SEPTIN9: variants seen among roughly 807,000 people sequenced by gnomAD.
The protein encoded by SEPTIN9 is septin-9.
A neutral mutation model predicts 56.6 loss-of-function variants in SEPTIN9; 13 were observed. The ratio of observed to expected loss-of-function variants is 0.23; its 90% CI spans 0.15 to 0.37. The LOEUF is 0.37. Ranked by LOEUF, SEPTIN9 falls within the 10% of genes least tolerant of loss-of-function variation. The pLI is 1.00. For missense variants in SEPTIN9, 650 were observed against 823.1 expected, an observed-to-expected ratio of 0.79 and a Z score of 2.57; for synonymous variants, 332 against 334.1, an observed-to-expected ratio of 0.99 and a Z score of 0.07.
chr17:77,460,454 G>A (rs531148965), intron 3 of SEPTIN9, among the ~76,000 whole-genome samples: 77 of 152,244 alleles, frequency 5.1e-4, no homozygotes, highest in African/African-American at 1.7e-3. Flanking sequence ...GCAGTCCAGG[G>A]GCCCCTCTCC....
At chr17:77,374,083 G>A (rs1192735239) in intron 2 of SEPTIN9, 1 of 153,736 alleles carries the variant, frequency 6.5e-6, no homozygotes, top group African/African-American at 2.4e-5. Context: ...GCCAGTTTCG[G>A]GGCCGCCAAG....
chr17:77,421,372 GT>G lies in SEPTIN9; in HGVS notation c.721+18670del, dbSNP rs2036696353. 6.6e-6 allele frequency among the ~76,000 whole-genome samples: 1 copy of G among 152,098 alleles called. No individual in the cohort carries two copies. Among genetic ancestry groups the G allele is most frequent in the African/African-American group, 2.4e-5 (1 of 41,406 alleles). ...AGCTGCCAGGAGCTCATCTTTCTCT[GT>G]CTCCTCCCCCTGCCGCCTCTCCCCA... On this transcript the variant is annotated intron_variant, in intron 3 of 11. Transcript: ENST00000427177. This position sits in a 1 kb window ranked among gnomAD's most constrained non-coding sequence, Gnocchi z 4.6.
At chr17:77,301,229 T>C (rs1022039654) in intron 1 of SEPTIN9, among the ~76,000 whole-genome samples, 6 of 152,104 alleles carry the variant, frequency 3.9e-5, no homozygotes, top group African/African-American at 1.4e-4. Flanking sequence ...AAACTTTTAT[T>C]ATTTTTTAAT....
In SEPTIN9 at chr17:77,464,438, C is replaced by T. The variant is rs180989704; in HGVS notation, c.722-17706C>T. ...TCAGATTTGCTTCAGCCTCAAAGAG[C>T]GTGTTTATGTAAAATTAAGTGAGTG... is the stretch of plus-strand genomic sequence containing the variant. On this transcript the variant is annotated intron_variant, in intron 3 of 11. Transcript: ENST00000427177. Among the ~76,000 whole-genome samples the T allele has an allele frequency of 1.3e-4, 20 of 152,132 alleles. No individual in the cohort carries two copies. The East Asian group carries it at 1.6e-3, about 12-fold the overall frequency.
intron 2 of SEPTIN9, among the ~76,000 whole-genome samples, chr17:77,396,270 G>T (rs572844819): frequency 6.6e-6 from 1 of 152,318 alleles, no homozygotes; most frequent in South Asian, 2.1e-4. Context: ...CCTCTTCTGT[G>T]TCCTTCAGTT....
intron 8 of SEPTIN9, among the ~76,000 whole-genome samples, chr17:77,491,805 CAAAAAAAAAA>C (rs35233871): frequency 1.7e-5 from 1 of 59,586 alleles, no homozygotes; most frequent in African/African-American, 6.5e-5. Flanking sequence ...GACTCCATCT[CAAAAAAAAAA>C]AAAAAAAAAA....
chr17:77,344,803 C>A (rs55749250), intron 2 of SEPTIN9, among the ~76,000 whole-genome samples: 1 of 152,086 alleles, frequency 6.6e-6, no homozygotes, highest in Non-Finnish European at 1.5e-5. Flanking sequence ...GAAACCCTGT[C>A]TCTGCTAAAA....
chr17:77,408,505 G>A (rs899351382), intron 3 of SEPTIN9, among the ~76,000 whole-genome samples: 14 of 152,330 alleles, frequency 9.2e-5, no homozygotes, highest in Middle Eastern at 3.4e-3. Context: ...GCACCGGGCC[G>A]TGTGTTCCAG....
intron 3 of SEPTIN9, among the ~76,000 whole-genome samples, chr17:77,477,719 G>C (rs1296160424): frequency 6.6e-6 from 1 of 152,282 alleles, no homozygotes; most frequent in East Asian, 1.9e-4. Flanking sequence ...CTTGCAAAAA[G>C]TCACTTTGAG....
At chr17:77,351,228 AAC>A (rs10537405) in intron 2 of SEPTIN9, among the ~76,000 whole-genome samples, 51,987 of 144,274 alleles carry the variant, frequency 0.36, 9,364 homozygotes, top group Middle Eastern at 0.44. Flanking sequence ...GCGTGCACAC[AAC>A]ACACACACAC....
At chr17:77,410,819 C>T (rs1046523794) in intron 3 of SEPTIN9, among the ~76,000 whole-genome samples, 5 of 152,206 alleles carry the variant, frequency 3.3e-5, no homozygotes, top group African/African-American at 9.7e-5. Flanking sequence ...GGTTCCAGGC[C>T]GGTGGTGTCG....
chr17:77,364,490 C>A (rs2034514271), intron 2 of SEPTIN9, among the ~76,000 whole-genome samples: 1 of 152,226 alleles, frequency 6.6e-6, no homozygotes. Flanking sequence ...TGCACTGGAG[C>A]CTCTTTGGAG....
chr17:77,387,886 C>T (rs1050380469), intron 2 of SEPTIN9, among the ~76,000 whole-genome samples: 12 of 149,616 alleles, frequency 8.0e-5, no homozygotes, highest in Admixed American at 4.0e-4. Flanking sequence ...CCTCCACCCC[C>T]ACCTCCCCCT....
chr17:77,281,686 C>G, intron 1 of SEPTIN9, 132 bp downstream of exon 1: 1 of 858,324 alleles, frequency 1.2e-6, no homozygotes, highest in Non-Finnish European at 1.7e-6. Context: ...CACTGCAGGT[C>G]GAGTTCCTCC....
At chr17:77,419,896 T>G (rs1352335258) in intron 3 of SEPTIN9, 1 of 152,292 alleles carries the variant, frequency 6.6e-6, no homozygotes, top group Non-Finnish European at 1.5e-5. Flanking sequence ...TTCATTGGGC[T>G]GGGTGTCGCT....
At chr17:77,482,582 C>G (rs1301051289) in intron 4 of SEPTIN9, 1 of 683,238 alleles carries the variant, frequency 1.5e-6, no homozygotes, top group Non-Finnish European at 2.7e-6. Flanking sequence ...TTTGGGGAGC[C>G]CAGGCCGGCC....
chr17:77,373,241 G>A (rs2034781307), intron 2 of SEPTIN9: 24 of 1,130,586 alleles, frequency 2.1e-5, no homozygotes, highest in Non-Finnish European at 2.6e-5. Context: ...GAGACAGGGA[G>A]GCCGGTGCGG....
intron 2 of SEPTIN9, among the ~76,000 whole-genome samples, chr17:77,366,338 A>G (rs1454122695): frequency 1.3e-5 from 2 of 152,152 alleles, no homozygotes; most frequent in African/African-American, 2.4e-5. Context: ...GCGGGGCTGG[A>G]GTAGGAACAG....
At chr17:77,432,906 C>T (rs1287009062) in intron 3 of SEPTIN9, among the ~76,000 whole-genome samples, 1 of 152,250 alleles carries the variant, frequency 6.6e-6, no homozygotes, top group African/African-American at 2.4e-5. Context: ...TGTGGTCCCC[C>T]TCCCAGGAAT....
Sources: allele counts gnomAD v4.1 joint callset (sites outside exome capture counted in the v4.1 genomes callset), GRCh38; gene constraint gnomAD v4.1.1; non-coding constraint Gnocchi (gnomAD v3.1); transcripts MANE v1.5; gene names NCBI Gene and HGNC (gene_info 2026-07-23, HGNC 2026-07-21).